Variants in PLEC observed in about 807,000 individuals in gnomAD.
The protein encoded by PLEC is plectin, also known as hemidesmosomal protein 1.
In PLEC, 216 loss-of-function variants were observed where a neutral mutation model predicts 392.8. The ratio of observed to expected loss-of-function variants is 0.55; its 90% CI spans 0.49 to 0.62. The LOEUF (loss-of-function observed/expected upper bound fraction) is 0.62, where lower values mean the gene tolerates loss of function less well. Among genes scored for constraint, PLEC ranks in the 20% least tolerant of loss-of-function variants. The probability of loss-of-function intolerance (pLI) is 0.00; values close to 1 mark genes in which losing one functional copy is unlikely to be tolerated. For synonymous variants in PLEC, 3,621 were observed against 2,980.6 expected, an observed-to-expected ratio of 1.21 and a Z score of -7.00; for missense variants, 6,863 against 6,563.4, an observed-to-expected ratio of 1.05 and a Z score of -1.58.
In PLEC at chr8:143,937,901, G is replaced by A. The variant is rs116469044; in HGVS notation, c.264+250C>T. 8.8e-4 allele frequency: 563 copies of A among 639,102 alleles called. 1 individual carries two copies. Among genetic ancestry groups the A allele is most frequent in the African/African-American group, 8.6e-3 (483 of 55,896 alleles). 39.6% of individuals were successfully genotyped at this position (639,102 alleles called of 1,614,324 possible). On this transcript the variant is annotated intron_variant, in intron 3 of 31. Coordinates refer to ENST00000345136, the MANE Select transcript of PLEC (RefSeq NM_201384.3). The stretch of plus-strand genomic sequence containing the variant: ...GTTACTGTGTCCCGACGCGGAGGGC[G>A]GCAAGGCCCAGAGCAGCCGAGGTCC...
At position 143,919,387 on chromosome 8, in the gene PLEC, C is replaced by T. The variant is rs372341851; in HGVS notation, c.10434G>A (p.Val3478=). Residue 3478 remains valine, a synonymous_variant, in exon 32 of 32, where the codon GTG becomes GTA. Transcript: ENST00000345136. ...CGTCCACAGGCACGCGGTGGCTGTG[C>T]ACGGGGTCGATGATGCCGCCCGTGG... The part of the protein sequence containing the change: ...QIATGGIIDP[V]HSHRVPVDVA... The T allele has an allele frequency of 6.8e-6, 11 of 1,613,504 alleles. No individual in the cohort carries two copies. The highest frequency in any genetic ancestry group is 2.7e-5 in the African/African-American group (2 of 74,918).
In PLEC at chr8:143,932,208, C is replaced by T. The variant is rs1407649319; in HGVS notation, c.2004G>A (p.Lys668=). The change falls in exon 17 of 32, where the codon AAG becomes AAA. Residue 668 remains lysine, a synonymous_variant. Coordinates refer to ENST00000345136, the MANE Select transcript of PLEC (RefSeq NM_201384.3). Reference sequence around the variant, plus strand: ...TTTGGAGCTCCTTGATCTTCTTCTCCTTCAGCTCCAGCTCCCGCATCAGCG... The same window carrying T: ...TTTGGAGCTCCTTGATCTTCTTCTCTTTCAGCTCCAGCTCCCGCATCAGCG... The part of the protein sequence containing the change: ...YSALMRELEL[K]EKKIKELQNA... The T allele has an allele frequency of 2.3e-5, 37 of 1,612,252 alleles. No homozygotes were observed. The highest frequency in any genetic ancestry group is 2.9e-5 in the Non-Finnish European group (34 of 1,179,900).
intron 1 of PLEC, chr8:143,946,437 AG>A: frequency 7.8e-7 from 1 of 1,280,730 alleles, no homozygotes; most frequent in Non-Finnish European, 1.0e-6. Context: ...GCAGGGAGGA[AG>A]GCGAGGCAGG....
intron 30 of PLEC, 100 bp downstream of exon 30, chr8:143,926,684 G>A: frequency 1.0e-6 from 1 of 988,384 alleles, no homozygotes; most frequent in Non-Finnish European, 1.6e-6. Context: ...AGTGGGGAGG[G>A]CCACGAGAGG....
intron 1 of PLEC, among the ~76,000 whole-genome samples, chr8:143,966,188 T>C (rs74740386): frequency 0.049 from 7,455 of 152,142 alleles, 645 homozygotes; most frequent in African/African-American, 0.17. Context: ...TCACGCCCCT[T>C]CCTCCTTCGC....
chr8:143,918,238 G>C lies in PLEC; in HGVS notation c.11583C>G (p.Leu3861=), dbSNP rs782209008. The C allele has an allele frequency of 6.3e-7, 1 of 1,588,944 alleles. No homozygotes were observed. Among genetic ancestry groups the C allele is most frequent in the Non-Finnish European group, 8.5e-7 (1 of 1,174,690 alleles). ...TGCCGTCGTCACGACGGCACCGCCTGAGCAGCTGCGTGTAGCTGAGGCGCT... is the reference window on the plus strand; with the variant it reads ...TGCCGTCGTCACGACGGCACCGCCTCAGCAGCTGCGTGTAGCTGAGGCGCT... The part of the protein sequence containing the change: ...TDERLSYTQL[L]RRCRRDDGTG... Residue 3861 remains leucine (L), a synonymous_variant, in exon 32 of 32, where the codon CTC becomes CTG. Transcript: ENST00000345136.
chr8:143,938,156 T>C lies in PLEC; in HGVS notation c.259A>G (p.Ser87Gly), dbSNP rs1829556830. 2 of 1,604,060 alleles carry C rather than the reference T, an allele frequency of 1.2e-6. No individual in the cohort carries two copies. The highest frequency in any genetic ancestry group is 1.7e-6 in the Non-Finnish European group (2 of 1,177,728). ...GGGGGCAGGGGCACACGTACCAGGCTGTCCCCCGAGAGGACCTCCAGCAGG... is the reference window on the plus strand; with the variant it reads ...GGGGGCAGGGGCACACGTACCAGGCCGTCCCCCGAGAGGACCTCCAGCAGG... ...ISLLEVLSGDSLPREKGRMRF... is the reference protein window; with the variant it reads ...ISLLEVLSGDGLPREKGRMRF... The change falls in exon 3 of 32, where the codon AGC becomes GGC. Residue 87 changes from serine to glycine, a missense_variant. By Grantham distance (56) the Ser-to-Gly change is moderately conservative. Coordinates refer to ENST00000345136, the MANE Select transcript of PLEC (RefSeq NM_201384.3).
At position 143,921,075 on chromosome 8, in the gene PLEC, T is replaced by C; in HGVS notation, c.8746A>G (p.Lys2916Glu). ...ATGGTCACCGTCTTGCCCTGGAACTTGCCGAACGGCGCAGACACGGTGGCC... is the reference window on the plus strand; with the variant it reads ...ATGGTCACCGTCTTGCCCTGGAACTCGCCGAACGGCGCAGACACGGTGGCC... The part of the protein sequence containing the change: ...EKATVSAPFG[K>E]FQGKTVTIWE... The change falls in exon 32 of 32, where the codon AAG (lysine) becomes GAG (glutamate). Residue 2916 changes from lysine to glutamate, a missense_variant. By Grantham distance (56) the Lys-to-Glu change is moderately conservative. Coordinates refer to ENST00000345136, the MANE Select transcript of PLEC (RefSeq NM_201384.3). 6.2e-7 allele frequency: 1 copy of C among 1,611,980 alleles called. No homozygotes were observed. Among genetic ancestry groups the C allele is most frequent in the Non-Finnish European group, 8.5e-7 (1 of 1,180,022 alleles).
exon 1 of PLEC, chr8:143,950,335 G>A (rs1554735267): frequency 6.3e-7 from 1 of 1,578,400 alleles, no homozygotes; most frequent in South Asian, 1.2e-5. Context: ...TGGGTGGGGA[G>A]CCCAGGGGAC....
chr8:143,922,977 C>T lies in PLEC; in HGVS notation c.6952G>A (p.Ala2318Thr). ...AEKMLKEKMQ[A>T]VQEATRLKAE... Reference sequence around the variant, plus strand: ...TTGAGTCGCGTGGCCTCCTGCACCGCCTGCATCTTCTCCTTGAGCATCTTC... The same window carrying T: ...TTGAGTCGCGTGGCCTCCTGCACCGTCTGCATCTTCTCCTTGAGCATCTTC... The change falls in exon 31 of 32, where the codon GCG (alanine) becomes ACG (threonine). Residue 2318 changes from alanine (A) to threonine (T), a missense_variant. Coordinates refer to ENST00000345136, the MANE Select transcript of PLEC (RefSeq NM_201384.3). 1.2e-6 allele frequency: 2 copies of T among 1,611,626 alleles called. No individual in the cohort carries two copies. The highest frequency in any genetic ancestry group is 1.7e-6 in the Non-Finnish European group (2 of 1,179,364).
rs1554715231 is a variant in PLEC, at chr8:143,931,523, C to CT, written c.2304+10_2304+11insA. The CT allele has an allele frequency of 3.2e-6, 5 of 1,581,406 alleles. No homozygotes were observed. Among genetic ancestry groups the CT allele is most frequent in the South Asian group, 2.3e-5 (2 of 86,730 alleles). On this transcript the variant is annotated intron_variant, in intron 19 of 31. Coordinates refer to ENST00000345136, the MANE Select transcript of PLEC (RefSeq NM_201384.3). ...CCCTCCTGACACGCCCCTGCACACC[C>CT]CCTCCCTCACCTGGGCATCCTGCAG... is the stretch of plus-strand genomic sequence containing the variant.
intron 1 of PLEC, chr8:143,945,076 G>A: frequency 2.5e-6 from 1 of 401,860 alleles, no homozygotes; most frequent in Non-Finnish European, 4.8e-6. Context: ...GCCCTGCCAA[G>A]CCAGGGGGTG....
upstream of PLEC, among the ~76,000 whole-genome samples, chr8:143,943,244 T>A (rs1587296307): frequency 6.6e-6 from 1 of 152,032 alleles, no homozygotes. Context: ...GGCTGCCCAA[T>A]CCCCAGGGCC....
chr8:143,919,884 G>C lies in PLEC; in HGVS notation c.9937C>G (p.Pro3313Ala). 1 of 1,613,118 alleles carries C rather than the reference G, an allele frequency of 6.2e-7. No individual in the cohort carries two copies. Among genetic ancestry groups the C allele is most frequent in the Non-Finnish European group, 8.5e-7 (1 of 1,180,014 alleles). ...CCGGAAGCCAGGAGCTCGCTGGCTG[G>C]CACAGGGGCACGGAGGCCGCTGAAG... ...LSFSGLRAPV[P>A]ASELLASGVL... Residue 3313 changes from proline to alanine, a missense_variant, in exon 32 of 32, where the codon CCA (proline) becomes GCA (alanine). Coordinates refer to ENST00000345136, the MANE Select transcript of PLEC (RefSeq NM_201384.3).
intron 1 of PLEC, among the ~76,000 whole-genome samples, chr8:143,960,964 C>A (rs1199124547): frequency 1.3e-5 from 2 of 152,238 alleles, no homozygotes; most frequent in Non-Finnish European, 2.9e-5. Context: ...CCGCTCTGCA[C>A]GGGGACCGTG....
Position 143,929,276 on chromosome 8 carries a change from T to G in PLEC, c.3087A>C (p.Ala1029=). 6.2e-7 allele frequency: 1 copy of G among 1,600,304 alleles called. No homozygotes were observed. Among genetic ancestry groups the G allele is most frequent in the South Asian group, 1.1e-5 (1 of 90,828 alleles). ...TGCCCAGCCCCTCCACCTCTGCCTG[T>G]GCCTTCTGCAAAGACAGGGAGTGGG... ...CAQRIAEQQK[A]QAEVEGLGKG... The change falls in exon 25 of 32, where the codon GCA becomes GCC. Residue 1029 remains alanine, a synonymous_variant. Coordinates refer to ENST00000345136, the MANE Select transcript of PLEC (RefSeq NM_201384.3).
intron 1 of PLEC, among the ~76,000 whole-genome samples, chr8:143,962,786 G>A (rs1307511274): frequency 6.6e-6 from 1 of 152,244 alleles, no homozygotes; most frequent in Non-Finnish European, 1.5e-5. Context: ...AGATTTCCAA[G>A]CAAAGTGTGG....
Position 143,973,455 on chromosome 8 carries a change from G to T in PLEC, c.18C>A (p.Pro6=), listed in dbSNP as rs376768928. Residue 6 remains proline (P), a synonymous_variant, in exon 1 of 32, where the codon CCC becomes CCA. Transcript: ENST00000356346. The surrounding 1 kb of genome is among the most constrained non-coding windows in gnomAD (Gnocchi z 5.6). ...AGGCCTGGATGAAGTCCTGCTCGTCGGGCAGCGGGCCGGCCATGCCGGCGG... is the reference window on the plus strand; with the variant it reads ...AGGCCTGGATGAAGTCCTGCTCGTCTGGCAGCGGGCCGGCCATGCCGGCGG... The T allele has an allele frequency of 5.5e-5, 83 of 1,517,384 alleles. 2 individuals carry two copies. In the South Asian group the frequency reaches 7.3e-4, roughly 13 times the overall value. The allele number at this position is 1,517,384 out of a possible 1,614,324, so 94.0% of individuals were successfully genotyped here.
rs782141068 is a variant in PLEC at position 143,919,126 on chromosome 8, C to T, written c.10695G>A (p.Arg3565=). 5.6e-6 allele frequency: 9 copies of T among 1,613,074 alleles called. No individual in the cohort carries two copies. Among genetic ancestry groups the T allele is most frequent in the Admixed American group, 1.7e-5 (1 of 60,018 alleles). ...TGTCGATCTGTGTCTCTTCAAATGC[C>T]CTTCTTGTCTCCTCCTCAGTGTACA... ...TQVYTEEETR[R]AFEETQIDIP... is the part of the protein sequence containing the mutation. Residue 3565 remains arginine (R), a synonymous_variant, in exon 32 of 32, where the codon AGG becomes AGA. Transcript: ENST00000345136.
Sources: gnomAD v4.1 joint callset for allele counts (sites outside exome capture counted in the v4.1 genomes callset) on GRCh38, gnomAD v4.1.1 for gene constraint, Gnocchi (gnomAD v3.1) non-coding constraint, MANE v1.5 for transcripts, NCBI Gene and HGNC (gene_info 2026-07-23, HGNC 2026-07-21) for gene names.